Variants in STOX1 observed in about 807,000 individuals in gnomAD.
STOX1 encodes storkhead box 1, also known as storkhead-box protein 1.
Under a neutral mutation model 74.8 loss-of-function variants are expected in STOX1, and 57 were observed. The observed-to-expected ratio is 0.76, with a 90% CI of 0.62 to 0.95. The LOEUF is 0.95. Among genes scored for constraint, STOX1 ranks in the 40% least tolerant of loss-of-function variants. The pLI is 0.00. For missense variants in STOX1, 1,010 were observed against 1,117.0 expected (o/e 0.90, Z 1.37); for synonymous variants, 375 against 401.3 (o/e 0.93, Z 0.78).
intron 1 of STOX1, among the ~76,000 whole-genome samples, chr10:68,876,755 A>C (rs1348305804): frequency 6.6e-6 from 1 of 152,190 alleles, no homozygotes; most frequent in Non-Finnish European, 1.5e-5. Flanking sequence ...TCAAAAGTCC[A>C]CAGCTGGCCT....
At chr10:68,869,189 C>T (rs1410391757) in intron 1 of STOX1, among the ~76,000 whole-genome samples, 1 of 152,176 alleles carries the variant, frequency 6.6e-6, no homozygotes, top group African/African-American at 2.4e-5. Flanking sequence ...CAATTATGGC[C>T]TCATGATAGG....
intron 1 of STOX1, among the ~76,000 whole-genome samples, chr10:68,876,119 A>AAAATAT (rs1840670864): frequency 7.4e-6 from 1 of 135,736 alleles, no homozygotes; most frequent in Non-Finnish European, 1.6e-5. Context: ...TCTTTACCAG[A>AAAATAT]ATATATATAT....
chr10:68,880,142 C>T (rs1840776006), intron 1 of STOX1, among the ~76,000 whole-genome samples: 2 of 148,850 alleles, frequency 1.3e-5, no homozygotes, highest in Admixed American at 6.7e-5. Flanking sequence ...TTCTTTTCTA[C>T]TGAAATAGTT....
Position 68,882,124 on chromosome 10 carries a change from T to C in STOX1, c.463+14T>C, listed in dbSNP as rs1840827292. ...AACATTACCCAGGTAGAGTAATAAATTTTTGTCTATTTGTACTTCACTGTA... is the reference window on the plus strand; with the variant it reads ...AACATTACCCAGGTAGAGTAATAAACTTTTGTCTATTTGTACTTCACTGTA... On this transcript the variant is annotated intron_variant, in intron 2 of 3. Transcript: ENST00000298596. The C allele has an allele frequency of 5.0e-6, 8 of 1,612,786 alleles. No individual in the cohort carries two copies. Among genetic ancestry groups the C allele is most frequent in the Non-Finnish European group, 6.8e-6 (8 of 1,178,920 alleles).
intron 1 of STOX1, among the ~76,000 whole-genome samples, chr10:68,848,404 GTGTGGGCTT>G (rs1372110640): frequency 1.3e-5 from 2 of 152,146 alleles, no homozygotes; most frequent in African/African-American, 4.8e-5. Context: ...CCCAGCTTTT[GTGTGGGCTT>G]TCCATGCTAC....
chr10:68,863,176 A>G (rs1387653683), intron 1 of STOX1, among the ~76,000 whole-genome samples: 1 of 151,998 alleles, frequency 6.6e-6, no homozygotes, highest in Non-Finnish European at 1.5e-5. Context: ...GTTAGTGTAT[A>G]CCTCCAATGG....
At chr10:68,876,122 ATATATATATATAT>A (rs1425365122) in intron 1 of STOX1, among the ~76,000 whole-genome samples, 1 of 598 alleles carries the variant, frequency 1.7e-3, no homozygotes, top group Non-Finnish European at 2.3e-3. Context: ...TTACCAGAAT[ATATATATATATAT>A]ATATATATAT....
intron 1 of STOX1, among the ~76,000 whole-genome samples, chr10:68,862,882 A>G (rs1190369997): frequency 2.6e-5 from 4 of 152,102 alleles, no homozygotes; most frequent in Non-Finnish European, 2.9e-5. Context: ...ACCAGGTCCA[A>G]TCTTGTTTAC....
chr10:68,864,362 G>T (rs1462471393), intron 1 of STOX1, among the ~76,000 whole-genome samples: 4 of 152,194 alleles, frequency 2.6e-5, no homozygotes, highest in African/African-American at 9.6e-5. Flanking sequence ...ATTTTAAGGA[G>T]AATCCAATTA....
At chr10:68,879,488 C>G (rs1284815917) in intron 1 of STOX1, among the ~76,000 whole-genome samples, 6 of 152,138 alleles carry the variant, frequency 3.9e-5, no homozygotes, top group Non-Finnish European at 8.8e-5. Context: ...GATACACTTT[C>G]CCTTTCCCCT....
chr10:68,856,541 C>T (rs574959973), intron 1 of STOX1, among the ~76,000 whole-genome samples: 2 of 152,216 alleles, frequency 1.3e-5, no homozygotes, highest in Admixed American at 1.3e-4. Flanking sequence ...AAATCTCTCC[C>T]CTACACTGTT....
chr10:68,874,327 T>C (rs977760383), intron 1 of STOX1, among the ~76,000 whole-genome samples: 2 of 152,160 alleles, frequency 1.3e-5, no homozygotes, highest in African/African-American at 4.8e-5. Flanking sequence ...ACCTGCGTTC[T>C]TTGTTCTAAA....
rs761816158 is a variant in STOX1, at chr10:68,885,506, T to C, written c.1710T>C (p.Thr570=). The C allele has an allele frequency of 3.1e-6, 5 of 1,614,108 alleles. No homozygotes were observed. Among genetic ancestry groups the C allele is most frequent in the Admixed American group, 3.3e-5 (2 of 60,008 alleles). ...EAESIYINDP[T]VKPINDDFRG... ...AATCCATTTACATAAATGACCCTAC[T>C]GTCAAACCCATCAATGATGACTTCA... Residue 570 remains threonine, a synonymous_variant, in exon 3 of 4, where the codon ACT becomes ACC. Transcript: ENST00000298596.
In STOX1 at chr10:68,884,456, T is replaced by A; in HGVS notation, c.660T>A (p.Tyr220Ter). 1.2e-6 allele frequency: 2 copies of A among 1,613,822 alleles called. No homozygotes were observed. Among genetic ancestry groups the A allele is most frequent in the South Asian group, 2.2e-5 (2 of 91,082 alleles). The change falls in exon 3 of 4, where the codon TAT becomes TAA. Residue 220 changes from tyrosine (Y) to a stop codon, truncating the protein, a stop_gained. Transcript: ENST00000298596. LOFTEE classifies it high-confidence loss of function. Reference sequence around the variant, plus strand: ...GCCTGATGCCAGCTTCCATGACATATCTGGTGAGCATGGAGAGCTGTGCAG... The same window carrying A: ...GCCTGATGCCAGCTTCCATGACATAACTGGTGAGCATGGAGAGCTGTGCAG... ...ESRLMPASMT[Y>*]LVSMESCAES...
intron 1 of STOX1, among the ~76,000 whole-genome samples, chr10:68,833,606 C>T (rs1365796968): frequency 6.6e-6 from 1 of 151,934 alleles, no homozygotes; most frequent in Non-Finnish European, 1.5e-5. Context: ...ACAGAACAGA[C>T]CAGGAAGTTT....
intron 1 of STOX1, among the ~76,000 whole-genome samples, chr10:68,851,397 A>G (rs1449569429): frequency 6.6e-6 from 1 of 152,156 alleles, no homozygotes; most frequent in East Asian, 1.9e-4. Context: ...TTCACTTTCT[A>G]ATATAATTAT....
At chr10:68,843,660 C>A (rs554879348) in intron 1 of STOX1, among the ~76,000 whole-genome samples, 4 of 152,038 alleles carry the variant, frequency 2.6e-5, no homozygotes, top group Non-Finnish European at 4.4e-5. Context: ...CGGGTTCAAG[C>A]GATTTTCCTA....
At chr10:68,887,731 TCACAGCCATGCAC>T (rs1840998242) in intron 3 of STOX1, among the ~76,000 whole-genome samples, 1 of 151,232 alleles carries the variant, frequency 6.6e-6, no homozygotes, top group Non-Finnish European at 1.5e-5. Context: ...GTAGCTGGGA[TCACAGCCATGCAC>T]CACAACACCC....
At chr10:68,880,837 G>A (rs985598650) in intron 1 of STOX1, among the ~76,000 whole-genome samples, 3 of 152,048 alleles carry the variant, frequency 2.0e-5, no homozygotes, top group African/African-American at 7.2e-5. Context: ...GGGATTACAG[G>A]AGCCCGCCAC....
Sources: allele counts gnomAD v4.1 joint callset (sites outside exome capture counted in the v4.1 genomes callset), GRCh38; gene constraint gnomAD v4.1.1; transcripts MANE v1.5; gene names NCBI Gene and HGNC (gene_info 2026-07-23, HGNC 2026-07-21).